The following L3MBTL4 variants were observed in gnomAD, a reference collection of about 807,000 sequenced individuals.
L3MBTL4 encodes the protein L3MBTL histone methyl-lysine binding protein 4, also known as lethal(3)malignant brain tumor-like protein 4.
Under a neutral mutation model 84.5 loss-of-function variants are expected in L3MBTL4, and 70 were observed. The ratio of observed to expected loss-of-function variants is 0.83; its 90% CI spans 0.68 to 1.01. The LOEUF (loss-of-function observed/expected upper bound fraction) is 1.01, where lower values mean the gene tolerates loss of function less well. L3MBTL4 is among the 50% of genes least tolerant of loss of function. The pLI is 0.00. For missense variants in L3MBTL4, 715 were observed against 754.8 expected, an observed-to-expected ratio of 0.95 and a Z score of 0.62; for synonymous variants, 274 against 259.8, an observed-to-expected ratio of 1.05 and a Z score of -0.52.
chr18:6,376,415 T>C (rs1204267296), intron 1 of L3MBTL4, among the ~76,000 whole-genome samples: 5 of 152,240 alleles, frequency 3.3e-5, no homozygotes, highest in Non-Finnish European at 1.5e-5. Flanking sequence ...GCATATTTGT[T>C]GTCTGTCTAT....
chr18:6,134,317 C>T (rs1029807114), intron 14 of L3MBTL4, among the ~76,000 whole-genome samples: 1 of 152,102 alleles, frequency 6.6e-6, no homozygotes, highest in Non-Finnish European at 1.5e-5. Context: ...GGGACACAGC[C>T]AAACCATATC....
intron 4 of L3MBTL4, among the ~76,000 whole-genome samples, chr18:6,288,653 T>C (rs2049705105): frequency 6.8e-6 from 1 of 146,408 alleles, no homozygotes; most frequent in Admixed American, 6.8e-5. Context: ...GATACCCATG[T>C]ATTTAACTTT....
At chr18:6,242,549 C>T (rs2047495627) in intron 7 of L3MBTL4, among the ~76,000 whole-genome samples, 1 of 152,214 alleles carries the variant, frequency 6.6e-6, no homozygotes, top group African/African-American at 2.4e-5. Flanking sequence ...CCAGCAACCT[C>T]AAGGACTCTG....
Position 5,958,180 on chromosome 18 carries a change from C to CGAA in L3MBTL4, c.1678-1796_1678-1794dup, listed in dbSNP as rs1391134027. ...AAGAACAAGAAGAAGAAGAAGACGA[C>CGAA]GAAGAAGAAGAGGAAGAAAAATCCT... On this transcript the variant is annotated intron_variant, in intron 18 of 18. Coordinates refer to ENST00000317931, the MANE Select transcript of L3MBTL4 (RefSeq NM_001330559.2). Among the ~76,000 whole-genome samples the CGAA allele has an allele frequency of 5.4e-5, 8 of 148,754 alleles. 1 individual carries two copies. In the South Asian group the frequency reaches 1.5e-3, roughly 28 times the overall value.
At chr18:6,019,295 A>G (rs1358533612) in intron 16 of L3MBTL4, among the ~76,000 whole-genome samples, 1 of 152,208 alleles carries the variant, frequency 6.6e-6, no homozygotes, top group Non-Finnish European at 1.5e-5. Context: ...CAATAGTGCA[A>G]ATAATTCCCT....
At chr18:6,396,453 G>A (rs1047080477) in intron 1 of L3MBTL4, 2 of 152,374 alleles carry the variant, frequency 1.3e-5, no homozygotes, top group African/African-American at 4.8e-5. Context: ...TTTGGCCTGT[G>A]CTTGGCACCT....
At chr18:6,092,338 C>T (rs900857448) in intron 15 of L3MBTL4, among the ~76,000 whole-genome samples, 9 of 152,168 alleles carry the variant, frequency 5.9e-5, no homozygotes, top group African/African-American at 1.7e-4. Context: ...TAAACTGGCG[C>T]CCCCTTGAAG....
intron 13 of L3MBTL4, among the ~76,000 whole-genome samples, chr18:6,140,287 T>C (rs975724575): frequency 2.6e-5 from 4 of 152,184 alleles, no homozygotes; most frequent in African/African-American, 9.6e-5. Flanking sequence ...CTATCAACTG[T>C]TATTTGACCC....
chr18:6,061,986 T>C (rs2057238480), intron 16 of L3MBTL4, among the ~76,000 whole-genome samples: 1 of 151,972 alleles, frequency 6.6e-6, no homozygotes, highest in African/African-American at 2.4e-5. Context: ...TTTTTGCTAT[T>C]GTTATTAAAA....
intron 4 of L3MBTL4, among the ~76,000 whole-genome samples, chr18:6,275,134 A>G (rs759800493): frequency 1.5e-4 from 23 of 152,162 alleles, no homozygotes; most frequent in Non-Finnish European, 3.2e-4. Context: ...TGTGCAGGGT[A>G]CTAAAGCAGA....
At chr18:6,251,615 T>C (rs192160363) in intron 5 of L3MBTL4, among the ~76,000 whole-genome samples, 1 of 152,342 alleles carries the variant, frequency 6.6e-6, no homozygotes, top group East Asian at 1.9e-4. Flanking sequence ...GTCTGGATGC[T>C]AGAATATTAC....
At chr18:6,217,677 T>C (rs1489005470) in intron 10 of L3MBTL4, among the ~76,000 whole-genome samples, 3 of 152,238 alleles carry the variant, frequency 2.0e-5, no homozygotes, top group Non-Finnish European at 4.4e-5. Context: ...GTACTTTGCT[T>C]CATATTTTGA....
chr18:6,138,767 G>T (rs9949132), intron 13 of L3MBTL4, among the ~76,000 whole-genome samples: 1,673 of 152,258 alleles, frequency 0.011, 33 homozygotes, highest in African/African-American at 0.038. Flanking sequence ...GGCCAGGCTG[G>T]TCTCGAACTC....
chr18:6,047,442 A>G (rs1439099546), intron 16 of L3MBTL4, among the ~76,000 whole-genome samples: 3 of 152,072 alleles, frequency 2.0e-5, no homozygotes, highest in Non-Finnish European at 2.9e-5. Context: ...TGGCAAAAAC[A>G]CAATGAAAAA....
chr18:6,109,734 G>A (rs1307984142), intron 14 of L3MBTL4, among the ~76,000 whole-genome samples: 1 of 152,172 alleles, frequency 6.6e-6, no homozygotes, highest in Non-Finnish European at 1.5e-5. Context: ...GGAGGCCAGG[G>A]AGAGTCTCAA....
intron 1 of L3MBTL4, among the ~76,000 whole-genome samples, chr18:6,362,250 G>GGGAAA (rs1227181494): frequency 6.7e-5 from 10 of 148,248 alleles, no homozygotes; most frequent in East Asian, 3.9e-4. Context: ...GGAAAGGAAA[G>GGGAAA]GGAAAGGAAA....
At chr18:6,399,028 T>G (rs917948497) in intron 1 of L3MBTL4, among the ~76,000 whole-genome samples, 4 of 152,224 alleles carry the variant, frequency 2.6e-5, no homozygotes, top group African/African-American at 9.6e-5. Context: ...CATGTCAAAA[T>G]ACATCACCTC....
intron 14 of L3MBTL4, among the ~76,000 whole-genome samples, chr18:6,110,032 C>T (rs952980414): frequency 5.9e-5 from 9 of 151,864 alleles, no homozygotes; most frequent in Non-Finnish European, 1.0e-4. Flanking sequence ...GAGCCAAGGA[C>T]GTGCCTTAAC....
At chr18:6,016,462 G>C (rs552506943) in intron 16 of L3MBTL4, among the ~76,000 whole-genome samples, 1 of 152,296 alleles carries the variant, frequency 6.6e-6, no homozygotes, top group Admixed American at 6.5e-5. Context: ...ACAGGGACTA[G>C]CTCAGTATCT....
Sources: gnomAD v4.1 joint callset for allele counts (sites outside exome capture counted in the v4.1 genomes callset) on GRCh38, gnomAD v4.1.1 for gene constraint, MANE v1.5 for transcripts, NCBI Gene and HGNC (gene_info 2026-07-23, HGNC 2026-07-21) for gene names.